Variants in PCSK6 observed in about 807,000 individuals in gnomAD.
The protein encoded by PCSK6 is paired basic amino acid cleaving enzyme 4.
Under a neutral mutation model 123.3 loss-of-function variants are expected in PCSK6, and 85 were observed. The observed-to-expected ratio is 0.69, with a 90% CI of 0.58 to 0.83. The LOEUF (loss-of-function observed/expected upper bound fraction) is 0.83. Among genes scored for constraint, PCSK6 ranks in the 40% least tolerant of loss-of-function variants. The pLI is 0.00. For missense variants in PCSK6, 1,191 were observed against 1,282.3 expected, an observed-to-expected ratio of 0.93 and a Z score of 1.09; for synonymous variants, 508 against 516.0, an observed-to-expected ratio of 0.98 and a Z score of 0.21.
chr15:101,332,599 G>A (rs962343101), intron 13 of PCSK6, among the ~76,000 whole-genome samples: 1 of 152,234 alleles, frequency 6.6e-6, no homozygotes, highest in Non-Finnish European at 1.5e-5. Context: ...ATGTTCTGGG[G>A]GATAGCAGTG....
At chr15:101,389,245 G>A (rs1420838365) in intron 9 of PCSK6, among the ~76,000 whole-genome samples, 1 of 152,180 alleles carries the variant, frequency 6.6e-6, no homozygotes, top group Admixed American at 6.5e-5. Context: ...AGCCTGAGCT[G>A]ACTAACCTGG....
At chr15:101,326,621 G>C (rs891567984) in intron 15 of PCSK6, 142 bp from the exon 16 acceptor site, 3 of 736,224 alleles carry the variant, frequency 4.1e-6, no homozygotes, top group South Asian at 3.5e-5. Flanking sequence ...ACGGCCAGAC[G>C]ACAAGGCGGG....
rs746750231 is a variant in PCSK6 at position 101,393,211 on chromosome 15, C to T, written c.1209+1G>A. 2.5e-6 allele frequency: 4 copies of T among 1,610,898 alleles called. No homozygotes were observed. Among genetic ancestry groups the T allele is most frequent in the Middle Eastern group, 1.6e-4 (1 of 6,078 alleles). ...CACTCCAACTTGCCAAGAGAACTTA[C>T]GATTTTTCGCTCATAAAAGGCCCCA... On this transcript the variant is annotated splice_donor_variant, in intron 8 of 21. Coordinates refer to ENST00000611716, the MANE Select transcript of PCSK6 (RefSeq NM_002570.5). LOFTEE classifies it high-confidence loss of function.
At chr15:101,440,042 C>A (rs2056712714) in intron 2 of PCSK6, among the ~76,000 whole-genome samples, 1 of 152,200 alleles carries the variant, frequency 6.6e-6, no homozygotes, top group African/African-American at 2.4e-5. Context: ...GGAACATAAT[C>A]AGAACAAGTA....
chr15:101,346,146 T>C (rs909812903), intron 13 of PCSK6, among the ~76,000 whole-genome samples: 22 of 152,222 alleles, frequency 1.4e-4, no homozygotes, highest in African/African-American at 5.1e-4. Context: ...GCAATATGTA[T>C]CAAAGGCAGG....
At chr15:101,324,722 A>G in intron 17 of PCSK6, 128 bp downstream of exon 17, 1 of 758,092 alleles carries the variant, frequency 1.3e-6, no homozygotes, top group Non-Finnish European at 2.1e-6. Flanking sequence ...TCCCTGTTCA[A>G]AGTCCTTACT....
Position 101,489,544 on chromosome 15 carries a change from G to C in PCSK6, c.127C>G (p.Pro43Ala). ...AGGAGGPGFR[P>A]LAPRPWRWLL... ...CAGCGCCAGGGACGCGGCGCGAGCG[G>C]CCGGAACCCGGGCCCGCCGGCGCCC... The change falls in exon 1 of 22, where the codon CCG (proline) becomes GCG (alanine). Residue 43 changes from proline (P) to alanine (A), a missense_variant. This residue lies in a region of PCSK6 where 204 missense variants were observed against 166.4 expected (regional missense o/e 1.23). Transcript: ENST00000611716. The C allele has an allele frequency of 1.0e-6, 1 of 991,664 alleles. No individual in the cohort carries two copies. The highest frequency in any genetic ancestry group is 1.2e-6 in the Non-Finnish European group (1 of 837,088). 61.4% of individuals were successfully genotyped at this position (991,664 alleles called of 1,614,324 possible).
intron 6 of PCSK6, among the ~76,000 whole-genome samples, chr15:101,422,784 G>A (rs552688340): frequency 6.6e-6 from 1 of 152,216 alleles, no homozygotes; most frequent in Admixed American, 6.5e-5. Flanking sequence ...ACCGCGCCCG[G>A]CTAATTTTTT....
chr15:101,466,780 T>C (rs1489979104), intron 1 of PCSK6, among the ~76,000 whole-genome samples: 3 of 152,156 alleles, frequency 2.0e-5, no homozygotes, highest in African/African-American at 4.8e-5. Context: ...TTCCATTATA[T>C]GAAATGTCCA....
Position 101,322,579 on chromosome 15 carries a change from T to C in PCSK6, c.2406A>G (p.Pro802=), listed in dbSNP as rs367591389. The change falls in exon 18 of 22, where the codon CCA becomes CCG. Residue 802 remains proline (P), a synonymous_variant. Coordinates refer to ENST00000611716, the MANE Select transcript of PCSK6 (RefSeq NM_002570.5). ...GTTCATCCACGCACTTTTTACAGCT[T>C]GGGTGGCATTTAAGGCAATTTTTCT... ...ESQKNCLKCH[P]SCKKCVDEPE... The C allele has an allele frequency of 1.2e-6, 2 of 1,613,430 alleles. No individual in the cohort carries two copies. Among genetic ancestry groups the C allele is most frequent in the African/African-American group, 2.7e-5 (2 of 74,832 alleles).
At chr15:101,449,041 G>A (rs138455069) in intron 1 of PCSK6, among the ~76,000 whole-genome samples, 195 of 152,196 alleles carry the variant, frequency 1.3e-3, no homozygotes, top group Non-Finnish European at 2.2e-3. Flanking sequence ...GGATGTGCAA[G>A]TGTTTGTATA....
Position 101,425,193 on chromosome 15 carries a change from C to T in PCSK6, c.823+2699G>A, listed in dbSNP as rs540479238. 5.3e-5 allele frequency among the ~76,000 whole-genome samples: 8 copies of T among 152,250 alleles called. No individual in the cohort carries two copies. In the East Asian group the frequency reaches 9.6e-4, roughly 18 times the overall value. On this transcript the variant is annotated intron_variant, in intron 6 of 21. Coordinates refer to ENST00000611716, the MANE Select transcript of PCSK6 (RefSeq NM_002570.5). ...TGGGGTGAGCAGGCCACATAAAGAT[C>T]GAGGACATGAGGTGGAGCTCACACC...
intron 13 of PCSK6, among the ~76,000 whole-genome samples, chr15:101,339,944 TACAC>T (rs150609044): frequency 0.019 from 2,895 of 151,276 alleles, 95 homozygotes; most frequent in African/African-American, 0.067. Flanking sequence ...AAATTACACA[TACAC>T]ACAGTAATTT....
intron 1 of PCSK6, among the ~76,000 whole-genome samples, chr15:101,487,530 T>A (rs1240094534): frequency 6.6e-6 from 1 of 152,196 alleles, no homozygotes; most frequent in African/African-American, 2.4e-5. Context: ...GATAGAAATT[T>A]CCGGGGAGAG....
At chr15:101,455,357 G>A (rs554711559) in intron 1 of PCSK6, among the ~76,000 whole-genome samples, 9 of 152,316 alleles carry the variant, frequency 5.9e-5, no homozygotes, top group Admixed American at 3.9e-4. Flanking sequence ...TCTTAGCTCC[G>A]GAAAGCGCTT....
intron 2 of PCSK6, among the ~76,000 whole-genome samples, chr15:101,439,919 A>G (rs982129085): frequency 1.3e-5 from 2 of 152,228 alleles, no homozygotes; most frequent in Admixed American, 1.3e-4. Context: ...TTCCATTTCC[A>G]TCACCAATCT....
intron 15 of PCSK6, among the ~76,000 whole-genome samples, chr15:101,329,005 G>C (rs2040318831): frequency 6.6e-6 from 1 of 152,224 alleles, no homozygotes; most frequent in South Asian, 2.1e-4. Flanking sequence ...ACTTAGGTCT[G>C]CTTTTCCCTT....
At chr15:101,448,836 A>C (rs1190763092) in intron 1 of PCSK6, among the ~76,000 whole-genome samples, 1 of 152,246 alleles carries the variant, frequency 6.6e-6, no homozygotes, top group Non-Finnish European at 1.5e-5. Context: ...CCAGAGAACC[A>C]GTACCCTCAG....
intron 13 of PCSK6, among the ~76,000 whole-genome samples, chr15:101,356,981 C>A (rs180686754): frequency 6.6e-6 from 1 of 152,352 alleles, no homozygotes; most frequent in Admixed American, 6.5e-5. Flanking sequence ...GCTAGCGCAT[C>A]AGTCAGATCA....
Sources: gnomAD v4.1 joint callset for allele counts (sites outside exome capture counted in the v4.1 genomes callset) on GRCh38, gnomAD v4.1.1 for gene constraint, gnomAD v4.1.1 regional missense constraint, MANE v1.5 for transcripts, NCBI Gene and HGNC (gene_info 2026-07-23, HGNC 2026-07-21) for gene names.